Variants in SMYD3 observed in about 807,000 individuals in gnomAD.
SMYD3 encodes the protein histone-lysine N-methyltransferase SMYD3.
SMYD3 carries 36 observed loss-of-function variants against 57.7 expected under a neutral mutation model. The ratio of observed to expected loss-of-function variants is 0.62; its 90% CI spans 0.48 to 0.82. The LOEUF is 0.82. SMYD3 is among the 40% of genes least tolerant of loss of function. The probability of loss-of-function intolerance (pLI) is 0.00; values close to 1 mark genes in which losing one functional copy is unlikely to be tolerated. For synonymous variants in SMYD3, 211 were observed against 195.0 expected, an observed-to-expected ratio of 1.08 and a Z score of -0.68; for missense variants, 515 against 538.8, an observed-to-expected ratio of 0.96 and a Z score of 0.44.
At chr1:245,864,403 C>T (rs927649902) in intron 8 of SMYD3, among the ~76,000 whole-genome samples, 1 of 152,198 alleles carries the variant, frequency 6.6e-6, no homozygotes, top group Admixed American at 6.5e-5. Context: ...TATGACTCCA[C>T]AATAAAGTAC....
chr1:245,895,428 G>A (rs1470100872), intron 8 of SMYD3, among the ~76,000 whole-genome samples: 5 of 152,138 alleles, frequency 3.3e-5, no homozygotes, highest in African/African-American at 1.2e-4. Context: ...TGAGAACAAC[G>A]CAGAGCTGGT....
At chr1:246,223,150 T>A (rs1193132795) in intron 5 of SMYD3, among the ~76,000 whole-genome samples, 2 of 151,856 alleles carry the variant, frequency 1.3e-5, no homozygotes, top group Admixed American at 6.6e-5. Context: ...GGAACAGAGG[T>A]CTCCTCAGGA....
intron 1 of SMYD3, among the ~76,000 whole-genome samples, chr1:246,492,015 G>A (rs1369261621): frequency 6.6e-6 from 1 of 152,120 alleles, no homozygotes; most frequent in Non-Finnish European, 1.5e-5. Flanking sequence ...AGGAATAGAA[G>A]AAAGAAAGCA....
chr1:245,996,990 G>A (rs1241497953), intron 5 of SMYD3, among the ~76,000 whole-genome samples: 2 of 152,218 alleles, frequency 1.3e-5, no homozygotes, highest in Non-Finnish European at 2.9e-5. Context: ...AGGCGACGTC[G>A]CTGGTGCGGA....
At chr1:246,110,708 G>A (rs1244831015) in intron 5 of SMYD3, among the ~76,000 whole-genome samples, 1 of 152,224 alleles carries the variant, frequency 6.6e-6, no homozygotes, top group Non-Finnish European at 1.5e-5. Context: ...AAAGAGCCAA[G>A]TGATGGCCCT....
At chr1:246,490,280 A>C (rs2103067989) in intron 1 of SMYD3, among the ~76,000 whole-genome samples, 1 of 152,336 alleles carries the variant, frequency 6.6e-6, no homozygotes. Context: ...CATAATCAGT[A>C]GTACCAACTA....
intron 8 of SMYD3, among the ~76,000 whole-genome samples, chr1:245,914,245 T>C (rs2055231831): frequency 6.6e-6 from 1 of 152,220 alleles, no homozygotes; most frequent in African/African-American, 2.4e-5. Flanking sequence ...AGAACTACCA[T>C]ACAATCTAGC....
intron 2 of SMYD3, among the ~76,000 whole-genome samples, chr1:246,350,007 CA>C (rs1235617162): frequency 2.6e-5 from 4 of 152,116 alleles, no homozygotes; most frequent in Non-Finnish European, 4.4e-5. Flanking sequence ...ACACAAAACC[CA>C]ACCATATGTC....
intron 5 of SMYD3, among the ~76,000 whole-genome samples, chr1:246,028,138 C>T (rs528979949): frequency 1.3e-5 from 2 of 152,004 alleles, no homozygotes; most frequent in African/African-American, 4.8e-5. Flanking sequence ...AACTGAAAAA[C>T]CTAAAGGAAA....
intron 5 of SMYD3, among the ~76,000 whole-genome samples, chr1:246,014,215 A>G (rs1033091593): frequency 3.3e-5 from 5 of 152,106 alleles, no homozygotes; most frequent in Non-Finnish European, 1.5e-5. Context: ...CCAACTACTC[A>G]GAAGGCTAAG....
chr1:246,367,541 T>C (rs946741094), intron 1 of SMYD3, among the ~76,000 whole-genome samples: 1 of 152,182 alleles, frequency 6.6e-6, no homozygotes, highest in African/African-American at 2.4e-5. Flanking sequence ...GAAGCAATTC[T>C]TATGCCTCAA....
intron 5 of SMYD3, among the ~76,000 whole-genome samples, chr1:246,136,175 C>T (rs1427030394): frequency 6.6e-6 from 1 of 152,190 alleles, no homozygotes; most frequent in African/African-American, 2.4e-5. Context: ...ACATATAACA[C>T]ATTCTGCAGA....
At position 246,222,109 on chromosome 1, in the gene SMYD3, C is replaced by A. The variant is rs932303960; in HGVS notation, c.531+105092G>T. ...GGTGTAAAACTCATTCTCAGAGCAA[C>A]CCAAACATAACTACAAGGAGTCTAA... is the stretch of plus-strand genomic sequence containing the variant. On this transcript the variant is annotated intron_variant, in intron 5 of 11. Coordinates refer to ENST00000490107, the MANE Select transcript of SMYD3 (RefSeq NM_001167740.2). 2.6e-5 allele frequency among the ~76,000 whole-genome samples: 4 copies of A among 152,074 alleles called. No individual in the cohort carries two copies. In the East Asian group the frequency reaches 7.7e-4, roughly 29 times the overall value.
chr1:245,922,013 CAATT>C (rs2056001217), intron 7 of SMYD3, among the ~76,000 whole-genome samples: 1 of 152,114 alleles, frequency 6.6e-6, no homozygotes, highest in Admixed American at 6.5e-5. Context: ...TTAAAAATCA[CAATT>C]AGGTTACTAA....
chr1:246,307,179 T>G (rs1410223494), intron 5 of SMYD3, among the ~76,000 whole-genome samples: 1 of 152,152 alleles, frequency 6.6e-6, no homozygotes, highest in Non-Finnish European at 1.5e-5. Flanking sequence ...AGTGCTGAAT[T>G]TGTCCTTTTA....
At chr1:246,450,184 G>C (rs2067611286) in intron 1 of SMYD3, among the ~76,000 whole-genome samples, 1 of 152,200 alleles carries the variant, frequency 6.6e-6, no homozygotes, top group South Asian at 2.1e-4. Flanking sequence ...CTACTCAGGA[G>C]GCTGAGGCAG....
At chr1:246,070,599 C>G (rs886429576) in intron 5 of SMYD3, among the ~76,000 whole-genome samples, 1 of 152,124 alleles carries the variant, frequency 6.6e-6, no homozygotes, top group East Asian at 1.9e-4. Flanking sequence ...GTCCTCCTCA[C>G]GAAGAGGTGA....
At chr1:246,207,174 C>A (rs974830618) in intron 5 of SMYD3, among the ~76,000 whole-genome samples, 3 of 152,098 alleles carry the variant, frequency 2.0e-5, no homozygotes, top group African/African-American at 7.2e-5. Context: ...ATTTGACACA[C>A]CTATTCTCTA....
chr1:246,207,157 A>C lies in SMYD3; in HGVS notation c.531+120044T>G, dbSNP rs148325140. Among the ~76,000 whole-genome samples the C allele has an allele frequency of 4.7e-3, 716 of 152,266 alleles. 9 individuals are homozygous for C. The highest frequency in any genetic ancestry group is 0.015 in the African/African-American group (642 of 41,494). On this transcript the variant is annotated intron_variant, in intron 5 of 11. Coordinates refer to ENST00000490107, the MANE Select transcript of SMYD3 (RefSeq NM_001167740.2). The stretch of plus-strand genomic sequence containing the variant: ...TGGATATTGGATATAAAAATTAAAT[A>C]TGTGTTATTTGACACACCTATTCTC...
Sources: gnomAD v4.1 joint callset for allele counts (sites outside exome capture counted in the v4.1 genomes callset) on GRCh38, gnomAD v4.1.1 for gene constraint, MANE v1.5 for transcripts, NCBI Gene and HGNC (gene_info 2026-07-23, HGNC 2026-07-21) for gene names.